The following ITPRID1 variants were observed in gnomAD, a reference collection of about 807,000 sequenced individuals.
The protein encoded by ITPRID1 is ITPR interacting domain containing 1.
A neutral mutation model predicts 95.4 loss-of-function variants in ITPRID1; 96 were observed. The observed-to-expected ratio is 1.01, with a 90% CI of 0.85 to 1.19. The LOEUF (loss-of-function observed/expected upper bound fraction) is 1.19. Ranked by LOEUF, ITPRID1 falls within the 50% of genes most tolerant of loss-of-function variation. ITPRID1 has a pLI of 0.00. For synonymous variants in ITPRID1, 510 were observed against 453.6 expected, an observed-to-expected ratio of 1.12 and a Z score of -1.58; for missense variants, 1,339 against 1,252.9, an observed-to-expected ratio of 1.07 and a Z score of -1.04.
intron 8 of ITPRID1, among the ~76,000 whole-genome samples, chr7:31,577,547 A>G (rs569166387): frequency 6.6e-6 from 1 of 152,352 alleles, no homozygotes; most frequent in East Asian, 1.9e-4. Context: ...GTTAGTACAC[A>G]GATTCACCGA....
At chr7:31,524,381 C>T (rs1057400858) in intron 1 of ITPRID1, among the ~76,000 whole-genome samples, 9 of 152,318 alleles carry the variant, frequency 5.9e-5, no homozygotes, top group Admixed American at 5.9e-4. Flanking sequence ...TTCCCCCAAA[C>T]ATTCATTTGT....
At chr7:31,529,893 G>A (rs1783540524) in intron 1 of ITPRID1, 1 of 1,224,032 alleles carries the variant, frequency 8.2e-7, no homozygotes, top group Admixed American at 2.1e-5. Flanking sequence ...TTAGCTGTCT[G>A]CTCTCATTTT....
chr7:31,546,068 G>A (rs987560259), intron 1 of ITPRID1, among the ~76,000 whole-genome samples: 1 of 151,946 alleles, frequency 6.6e-6, no homozygotes, highest in Non-Finnish European at 1.5e-5. Context: ...CTATGTGGAG[G>A]CTAGAAAAAG....
rs1417694019 is a variant in ITPRID1 at position 31,655,679 on chromosome 7, A to G, written c.*2850A>G. 2.1e-6 allele frequency: 2 copies of G among 959,330 alleles called. No homozygotes were observed. The highest frequency in any genetic ancestry group is 6.2e-5 in the Admixed American group (1 of 16,220). The allele number at this position is 959,330 out of a possible 1,614,324, so 59.4% of individuals were successfully genotyped here. A position where few individuals can be genotyped will look rare whatever the true frequency, so the allele number is the denominator to read the frequency against. On this transcript the variant is annotated 3_prime_UTR_variant, in exon 15 of 15. Transcript: ENST00000615280. ...TTGCCACATCCCCATCTTGGCTCCT[A>G]TATCATGGCTCAGCTCCCAGCCAAA...
At chr7:31,519,641 T>TATATATATATATATATATATATAA (rs1783177014) in intron 1 of ITPRID1, among the ~76,000 whole-genome samples, 1 of 133,520 alleles carries the variant, frequency 7.5e-6, no homozygotes, top group African/African-American at 2.8e-5. Context: ...TATATATATA[T>TATATATATATATATATATATATAA]ATATAAATCT....
intron 1 of ITPRID1, among the ~76,000 whole-genome samples, chr7:31,519,775 A>G (rs1443020058): frequency 6.6e-6 from 1 of 151,248 alleles, no homozygotes; most frequent in Non-Finnish European, 1.5e-5. Context: ...CCACAAAATA[A>G]ATACATTTTA....
At chr7:31,597,462 A>G (rs1786135184) in intron 10 of ITPRID1, among the ~76,000 whole-genome samples, 1 of 151,814 alleles carries the variant, frequency 6.6e-6, no homozygotes, top group Non-Finnish European at 1.5e-5. Flanking sequence ...ATGCATCAGC[A>G]ATAACCAACT....
intron 5 of ITPRID1, among the ~76,000 whole-genome samples, chr7:31,559,079 CA>C (rs1232746144): frequency 6.6e-6 from 1 of 152,148 alleles, no homozygotes; most frequent in Non-Finnish European, 1.5e-5. Flanking sequence ...GTTACAATAA[CA>C]TTGGTACCTA....
chr7:31,622,619 G>A (rs1788023240), intron 10 of ITPRID1, among the ~76,000 whole-genome samples: 1 of 151,712 alleles, frequency 6.6e-6, no homozygotes, highest in South Asian at 2.1e-4. Context: ...TGTGTAGAGG[G>A]AAATTTATAG....
In ITPRID1 at chr7:31,652,556, T is replaced by A; in HGVS notation, c.2862T>A (p.Tyr954Ter). Residue 954 changes from tyrosine (Y) to a stop codon, truncating the protein, a stop_gained, in exon 15 of 15, where the codon TAT becomes TAA. Transcript: ENST00000615280. LOFTEE classifies it low-confidence loss of function (END_TRUNC). ...EVLTAEPPEH[Y>*]SNLHQYNWIE... ...TCACAGCAGAGCCACCTGAACACTA[T>A]TCAAATCTGCATCAATATAACTGGA... 6.2e-7 allele frequency: 1 copy of A among 1,609,170 alleles called. No homozygotes were observed. The highest frequency in any genetic ancestry group is 8.5e-7 in the Non-Finnish European group (1 of 1,177,550).
Position 31,552,999 on chromosome 7 carries a change from A to C in ITPRID1, c.-23-3A>C, listed in dbSNP as rs1488840187. 4.4e-6 allele frequency: 7 copies of C among 1,600,330 alleles called. No individual in the cohort carries two copies. The highest frequency in any genetic ancestry group is 6.0e-6 in the Non-Finnish European group (7 of 1,173,486). On this transcript the variant is annotated splice_polypyrimidine_tract_variant and splice_region_variant and intron_variant, in intron 2 of 14. Coordinates refer to ENST00000615280, the MANE Select transcript of ITPRID1 (RefSeq NM_001257967.3). The stretch of plus-strand genomic sequence containing the variant: ...TGATTTGTTTGTGTGTGTGTGTTTT[A>C]AGTTAGTTTGCAGAATTACTCTCCT...
At chr7:31,602,948 C>T (rs1222264069) in intron 10 of ITPRID1, among the ~76,000 whole-genome samples, 1 of 148,782 alleles carries the variant, frequency 6.7e-6, no homozygotes, top group Admixed American at 6.8e-5. Context: ...CATAGGAGCT[C>T]TGTCAAGCAC....
intron 10 of ITPRID1, among the ~76,000 whole-genome samples, chr7:31,613,678 C>T (rs947211701): frequency 1.3e-5 from 2 of 152,086 alleles, no homozygotes; most frequent in African/African-American, 4.8e-5. Flanking sequence ...ACATGATCAG[C>T]AGTTTGTTTT....
intron 10 of ITPRID1, among the ~76,000 whole-genome samples, chr7:31,615,223 C>G (rs145205254): frequency 1.8e-3 from 272 of 152,064 alleles, no homozygotes; most frequent in East Asian, 3.9e-3. Context: ...ATAGGGCTGA[C>G]TAGTGAAAAA....
intron 1 of ITPRID1, among the ~76,000 whole-genome samples, chr7:31,523,077 G>C (rs1783317731): frequency 6.6e-6 from 1 of 152,206 alleles, no homozygotes. Flanking sequence ...GATGATGTTT[G>C]TAAAGCACTC....
chr7:31,631,408 G>A (rs889253413), intron 10 of ITPRID1, among the ~76,000 whole-genome samples: 36 of 152,186 alleles, frequency 2.4e-4, no homozygotes, highest in African/African-American at 8.4e-4. Flanking sequence ...ATATAAATGT[G>A]CACAAACAAA....
chr7:31,549,380 T>G, intron 1 of ITPRID1, 46 bp from the exon 2 acceptor site: 6 of 1,299,246 alleles, frequency 4.6e-6, no homozygotes, highest in Non-Finnish European at 5.9e-6. Flanking sequence ...TTATTTTCTG[T>G]GAGACAAATG....
intron 12 of ITPRID1, among the ~76,000 whole-genome samples, chr7:31,647,517 A>G (rs1208710330): frequency 6.6e-6 from 1 of 151,618 alleles, no homozygotes; most frequent in Non-Finnish European, 1.5e-5. Flanking sequence ...CAAAAAAAAA[A>G]AAAAAAATTA....
At chr7:31,621,674 G>A (rs1374474958) in intron 10 of ITPRID1, among the ~76,000 whole-genome samples, 60 of 146,674 alleles carry the variant, frequency 4.1e-4, no homozygotes, top group Middle Eastern at 3.6e-3. Flanking sequence ...AAAGACCATC[G>A]AGACTAGCAA....
Sources: allele counts gnomAD v4.1 joint callset (sites outside exome capture counted in the v4.1 genomes callset), GRCh38; gene constraint gnomAD v4.1.1; transcripts MANE v1.5; gene names NCBI Gene and HGNC (gene_info 2026-07-23, HGNC 2026-07-21).